Variants in GNS observed in about 807,000 individuals in gnomAD.
The protein encoded by GNS is glucosamine (N-acetyl)-6-sulfatase.
Under a neutral mutation model 69.7 loss-of-function variants are expected in GNS, and 40 were observed. The ratio of observed to expected loss-of-function variants is 0.57; its 90% CI spans 0.45 to 0.75. The LOEUF (loss-of-function observed/expected upper bound fraction) is 0.75, where lower values mean the gene tolerates loss of function less well. GNS is among the 30% of genes least tolerant of loss of function. The pLI is 0.00. For missense variants in GNS, 565 were observed against 685.5 expected (o/e 0.82, Z 1.96); for synonymous variants, 243 against 251.6 (o/e 0.97, Z 0.32).
intron 2 of GNS, among the ~76,000 whole-genome samples, chr12:64,748,600 A>C (rs1378314828): frequency 2.0e-5 from 3 of 152,200 alleles, no homozygotes; most frequent in Non-Finnish European, 2.9e-5. Flanking sequence ...ATTGAGACAC[A>C]GTGGTTCATT....
At chr12:64,755,522 G>A (rs1870222189) in intron 1 of GNS, among the ~76,000 whole-genome samples, 1 of 149,822 alleles carries the variant, frequency 6.7e-6, no homozygotes, top group African/African-American at 2.5e-5. Flanking sequence ...AGGTTGCAGT[G>A]GGCCGAGATC....
intron 13 of GNS, among the ~76,000 whole-genome samples, chr12:64,717,918 G>A (rs57416559): frequency 4.2e-4 from 64 of 152,318 alleles, no homozygotes; most frequent in African/African-American, 1.4e-3. Flanking sequence ...GATAAGGGGG[G>A]ACTACTGCAT....
rs777104095 is a variant in GNS, at chr12:64,721,708, G to A, written c.1309-3C>T. ...CATACACAGTCTGGGAAGCATTGCT[G>A]TAGGGATATTTCAAAAGTTAAATGA... On this transcript the variant is annotated splice_region_variant and splice_polypyrimidine_tract_variant and intron_variant, in intron 11 of 13. Coordinates refer to ENST00000258145, the MANE Select transcript of GNS (RefSeq NM_002076.4). 5 of 1,393,008 alleles carry A rather than the reference G, an allele frequency of 3.6e-6. No individual in the cohort carries two copies. In the South Asian group the frequency reaches 5.8e-5, roughly 16 times the overall value. The allele number at this position is 1,393,008 out of a possible 1,614,324, so 86.3% of individuals were successfully genotyped here. A position where few individuals can be genotyped will look rare whatever the true frequency, so the allele number is the denominator to read the frequency against.
chr12:64,744,874 A>G lies in GNS; in HGVS notation c.559T>C (p.Ser187Pro). The G allele has an allele frequency of 6.5e-7, 1 of 1,536,798 alleles. No individual in the cohort carries two copies. Among genetic ancestry groups the G allele is most frequent in the South Asian group, 1.1e-5 (1 of 89,518 alleles). ...KNSKYYNYTL[S>P]INGKARKHGE... is the part of the protein sequence containing the mutation. ...TGCTTCCGTGCCTTCCCATTGATAG[A>G]CAGGGTGTAATTATAATACTTAGAA... The change falls in exon 5 of 14, where the codon TCT becomes CCT. Residue 187 changes from serine to proline, a missense_variant. By Grantham distance (74) the Ser-to-Pro change is moderately conservative. Around this residue, in one of 2 missense-constraint regions of GNS, gnomAD observed 384 missense variants for 511.0 expected, o/e 0.75. Coordinates refer to ENST00000258145, the MANE Select transcript of GNS (RefSeq NM_002076.4).
Position 64,759,305 on chromosome 12 carries a change from A to G in GNS, c.-29T>C. On this transcript the variant is annotated 5_prime_UTR_variant, in exon 1 of 14. Coordinates refer to ENST00000258145, the MANE Select transcript of GNS (RefSeq NM_002076.4). Reference sequence around the variant, plus strand: ...GGACAGGCTCCGGGGTGACCCCGGGACGGGACGGGACGGAGGGACGCACAG... The same window carrying G: ...GGACAGGCTCCGGGGTGACCCCGGGGCGGGACGGGACGGAGGGACGCACAG... 1.2e-5 allele frequency: 17 copies of G among 1,409,376 alleles called. No individual in the cohort carries two copies. Among genetic ancestry groups the G allele is most frequent in the Non-Finnish European group, 1.6e-5 (17 of 1,061,230 alleles). The allele number at this position is 1,409,376 out of a possible 1,614,324, so 87.3% of individuals were successfully genotyped here.
intron 9 of GNS, among the ~76,000 whole-genome samples, chr12:64,731,847 G>C (rs1002363867): frequency 1.3e-5 from 2 of 152,100 alleles, no homozygotes; most frequent in African/African-American, 4.8e-5. Context: ...AAGGCAGGAG[G>C]ATCACTTGAG....
intron 9 of GNS, among the ~76,000 whole-genome samples, chr12:64,729,661 A>G (rs1237434620): frequency 1.3e-5 from 2 of 152,210 alleles, no homozygotes. Context: ...TCTAGAAACT[A>G]AAGGCATTGT....
At position 64,723,259 on chromosome 12, in the gene GNS, A is replaced by G. The variant is rs1234868263; in HGVS notation, c.1201-146T>C. 7 of 676,092 alleles carry G rather than the reference A, an allele frequency of 1.0e-5. No homozygotes were observed. In the African/African-American group the frequency reaches 1.1e-4, roughly 10 times the overall value. 41.9% of individuals were successfully genotyped at this position (676,092 alleles called of 1,614,324 possible). ...TAAAGGGAATGACTAAAACAGGTAC[A>G]TATGAAAGCTACTGAGCAGTATGTT... On this transcript the variant is annotated intron_variant, in intron 10 of 13. Transcript: ENST00000258145.
intron 10 of GNS, among the ~76,000 whole-genome samples, chr12:64,727,169 A>AT (rs894851260): frequency 3.1e-4 from 45 of 144,690 alleles, no homozygotes; most frequent in Admixed American, 1.2e-3. Context: ...GGGGGAGGAT[A>AT]TTTTTTTTTT....
At chr12:64,722,267 C>T (rs1869054613) in intron 11 of GNS, among the ~76,000 whole-genome samples, 1 of 152,268 alleles carries the variant, frequency 6.6e-6, no homozygotes, top group Non-Finnish European at 1.5e-5. Context: ...ATCCACCCGC[C>T]TTGGCCTCCC....
intron 9 of GNS, among the ~76,000 whole-genome samples, chr12:64,735,744 T>G (rs929481392): frequency 6.6e-5 from 10 of 152,204 alleles, no homozygotes; most frequent in African/African-American, 2.2e-4. Flanking sequence ...CTTTTAAGAT[T>G]TAATGGTCTT....
intron 10 of GNS, among the ~76,000 whole-genome samples, chr12:64,723,932 A>G (rs935430050): frequency 6.6e-6 from 1 of 152,152 alleles, no homozygotes; most frequent in African/African-American, 2.4e-5. Flanking sequence ...AAATCATAGG[A>G]GGTTTTTGAG....
At chr12:64,744,089 CT>C (rs1464500788) in intron 5 of GNS, among the ~76,000 whole-genome samples, 3 of 152,220 alleles carry the variant, frequency 2.0e-5, no homozygotes, top group Non-Finnish European at 2.9e-5. Context: ...ACTCTTCCCC[CT>C]GATCTGCACA....
chr12:64,731,982 A>G (rs944630649), intron 9 of GNS, among the ~76,000 whole-genome samples: 4 of 151,892 alleles, frequency 2.6e-5, no homozygotes, highest in Non-Finnish European at 5.9e-5. Flanking sequence ...CTTTGACAAG[A>G]CCAAAAATAT....
At chr12:64,757,854 G>A (rs1030694367) in intron 1 of GNS, among the ~76,000 whole-genome samples, 2 of 152,236 alleles carry the variant, frequency 1.3e-5, no homozygotes, top group African/African-American at 4.8e-5. Context: ...GAGCTAGGGT[G>A]TGTAACTACA....
chr12:64,733,869 A>C (rs1422322621), intron 9 of GNS, among the ~76,000 whole-genome samples: 1 of 152,200 alleles, frequency 6.6e-6, no homozygotes, highest in East Asian at 1.9e-4. Context: ...TCTAAAGCTA[A>C]ACTAGTCAGA....
intron 10 of GNS, among the ~76,000 whole-genome samples, chr12:64,728,383 T>A (rs2620727): frequency 0.69 from 105,632 of 152,158 alleles, 38,142 homozygotes; most frequent in African/African-American, 0.9. Context: ...TGACATGTGT[T>A]CTCTGAAGTG....
chr12:64,751,160 C>T (rs1870065671), intron 2 of GNS, among the ~76,000 whole-genome samples: 2 of 151,948 alleles, frequency 1.3e-5, no homozygotes, highest in East Asian at 3.9e-4. Context: ...CCAGCCCGGG[C>T]TACATAGTGA....
chr12:64,719,265 A>G (rs997853618), intron 13 of GNS, among the ~76,000 whole-genome samples: 4 of 152,220 alleles, frequency 2.6e-5, no homozygotes, highest in Non-Finnish European at 4.4e-5. Context: ...CTTTCCATCA[A>G]CTTAGGACAT....
Sources: allele counts gnomAD v4.1 joint callset (sites outside exome capture counted in the v4.1 genomes callset), GRCh38; gene constraint gnomAD v4.1.1; regional missense constraint gnomAD v4.1.1; transcripts MANE v1.5; gene names NCBI Gene and HGNC (gene_info 2026-07-23, HGNC 2026-07-21).